DNAH14: variants seen among roughly 807,000 people sequenced by gnomAD.
DNAH14 encodes the protein dynein axonemal heavy chain 14.
DNAH14 carries 478 observed loss-of-function variants against 520.9 expected under a neutral mutation model. That is an observed-to-expected ratio of 0.92 (90% CI 0.85 to 0.99). The LOEUF (loss-of-function observed/expected upper bound fraction) is 0.99, where lower values mean the gene tolerates loss of function less well. DNAH14 is among the 50% of genes least tolerant of loss of function. The pLI is 0.00. For missense variants in DNAH14, 4,831 were observed against 5,234.5 expected (o/e 0.92, Z 2.38); for synonymous variants, 1,581 against 1,757.2 (o/e 0.90, Z 2.51).
chr1:225,006,085 G>T (rs2064146770), intron 9 of DNAH14, among the ~76,000 whole-genome samples: 1 of 152,082 alleles, frequency 6.6e-6, no homozygotes, highest in Non-Finnish European at 1.5e-5. Context: ...AATTTCTTGT[G>T]CCTGTCTTTA....
At chr1:225,055,004 CT>C (rs1310369376) in intron 17 of DNAH14, among the ~76,000 whole-genome samples, 4 of 151,240 alleles carry the variant, frequency 2.6e-5, no homozygotes, top group Non-Finnish European at 4.4e-5. Flanking sequence ...AGTTTTTGTC[CT>C]TATTTTTGCT....
intron 60 of DNAH14, among the ~76,000 whole-genome samples, chr1:225,316,202 C>T (rs1382281941): frequency 6.6e-6 from 1 of 152,182 alleles, no homozygotes; most frequent in South Asian, 2.1e-4. Context: ...GCCCCTCCCC[C>T]GACCAAGCTC....
chr1:225,086,001 G>T (rs959162471), intron 21 of DNAH14, among the ~76,000 whole-genome samples: 1 of 151,662 alleles, frequency 6.6e-6, no homozygotes, highest in Non-Finnish European at 1.5e-5. Flanking sequence ...TTTAATTTTG[G>T]CAGAAAAGAT....
chr1:224,972,829 A>G (rs145064960), intron 7 of DNAH14, among the ~76,000 whole-genome samples: 2 of 152,196 alleles, frequency 1.3e-5, no homozygotes, highest in Non-Finnish European at 2.9e-5. Flanking sequence ...TAATATTTCA[A>G]ATAGAAAAAT....
chr1:225,002,662 A>G, intron 8 of DNAH14, 121 bp from the exon 9 acceptor site: 1 of 942,072 alleles, frequency 1.1e-6, no homozygotes, highest in Non-Finnish European at 1.6e-6. Context: ...ATCGTTTAAA[A>G]TGGGGTAGAT....
In DNAH14 at chr1:225,038,734, A is replaced by C. The variant is rs2067189759; in HGVS notation, c.1399A>C (p.Asn467His). The change falls in exon 12 of 86, where the codon AAT (asparagine) becomes CAT (histidine). Residue 467 changes from asparagine (N) to histidine (H), a missense_variant. Physicochemically the swap from Asn to His is moderately conservative, Grantham distance 68. Coordinates refer to ENST00000682510, the MANE Select transcript of DNAH14 (RefSeq NM_001367479.1). ...CTCTTTTCCTACTGGAAAGACAACA[A>C]ATGATTGTGAAGAACTTGTTGATAA... ...DNSFPTGKTT[N>H]DCEELVDNSK... is the part of the protein sequence containing the mutation. 2 of 1,535,356 alleles carry C rather than the reference A, an allele frequency of 1.3e-6. No individual in the cohort carries two copies. The highest frequency in any genetic ancestry group is 1.3e-5 in the South Asian group (1 of 79,474).
chr1:225,107,361 C>T (rs1247456595), intron 23 of DNAH14, among the ~76,000 whole-genome samples: 9 of 152,158 alleles, frequency 5.9e-5, no homozygotes, highest in African/African-American at 1.9e-4. Flanking sequence ...TCTCAGATCT[C>T]CAGCTGCGTA....
intron 42 of DNAH14, among the ~76,000 whole-genome samples, chr1:225,237,871 A>G (rs1354451172): frequency 6.6e-6 from 1 of 152,148 alleles, no homozygotes; most frequent in Non-Finnish European, 1.5e-5. Flanking sequence ...GATAGTCTTC[A>G]AGCTCTGAGA....
intron 42 of DNAH14, among the ~76,000 whole-genome samples, chr1:225,238,536 C>A (rs558215080): frequency 1.3e-5 from 2 of 152,154 alleles, no homozygotes; most frequent in Admixed American, 1.3e-4. Context: ...CCGGCCTGAA[C>A]GCTCCTATAG....
intron 5 of DNAH14, among the ~76,000 whole-genome samples, chr1:224,966,969 AAG>A (rs1301113538): frequency 7.9e-5 from 12 of 152,224 alleles, no homozygotes; most frequent in African/African-American, 2.7e-4. Flanking sequence ...ATGTATATGA[AAG>A]AGTTATTACT....
At chr1:225,157,912 G>C (rs1294857651) in intron 34 of DNAH14, among the ~76,000 whole-genome samples, 1 of 152,148 alleles carries the variant, frequency 6.6e-6, no homozygotes, top group African/African-American at 2.4e-5. Flanking sequence ...TTGTAATAAT[G>C]GAGTGGTTAT....
intron 8 of DNAH14, among the ~76,000 whole-genome samples, chr1:224,983,804 G>GA (rs2062437704): frequency 6.6e-6 from 1 of 151,828 alleles, no homozygotes; most frequent in African/African-American, 2.4e-5. Context: ...TACAATAGCT[G>GA]AAAAGAAATA....
intron 4 of DNAH14, chr1:224,961,205 A>G (rs973400162): frequency 1.3e-5 from 2 of 152,148 alleles, no homozygotes; most frequent in Admixed American, 6.5e-5. Context: ...TCTTTTCCCA[A>G]TAGAGCCTCC....
chr1:225,242,816 T>C (rs1044319488), intron 43 of DNAH14, among the ~76,000 whole-genome samples: 3 of 152,222 alleles, frequency 2.0e-5, no homozygotes, highest in African/African-American at 7.2e-5. Context: ...ACCACAAAGA[T>C]AATTAGTGCA....
At chr1:225,289,232 C>T (rs189259769) in intron 54 of DNAH14, among the ~76,000 whole-genome samples, 1 of 151,882 alleles carries the variant, frequency 6.6e-6, no homozygotes, top group Non-Finnish European at 1.5e-5. Flanking sequence ...ATATGAAATG[C>T]CAAAAATAGG....
chr1:225,234,119 A>C (rs2091370031), intron 42 of DNAH14, among the ~76,000 whole-genome samples: 1 of 152,012 alleles, frequency 6.6e-6, no homozygotes, highest in East Asian at 1.9e-4. Flanking sequence ...CTTATTTCTG[A>C]GTTCTCTATT....
chr1:225,113,918 C>G (rs905894123), intron 23 of DNAH14, among the ~76,000 whole-genome samples: 3 of 152,140 alleles, frequency 2.0e-5, no homozygotes, highest in Non-Finnish European at 4.4e-5. Context: ...GAAATGCCAT[C>G]CAAGAGGCAA....
chr1:225,220,660 A>G (rs998463941), intron 41 of DNAH14, among the ~76,000 whole-genome samples: 1 of 152,192 alleles, frequency 6.6e-6, no homozygotes, highest in Non-Finnish European at 1.5e-5. Flanking sequence ...AGAGGATATA[A>G]ACAAATGGAA....
At chr1:225,161,990 T>G (rs532410630) in intron 35 of DNAH14, among the ~76,000 whole-genome samples, 1 of 152,346 alleles carries the variant, frequency 6.6e-6, no homozygotes, top group African/African-American at 2.4e-5. Context: ...TCCTTTGCTG[T>G]GCAGAAGCTT....
Sources: gnomAD v4.1 joint callset for allele counts (sites outside exome capture counted in the v4.1 genomes callset) on GRCh38, gnomAD v4.1.1 for gene constraint, MANE v1.5 for transcripts, NCBI Gene and HGNC (gene_info 2026-07-23, HGNC 2026-07-21) for gene names.